The following CENPP variants were observed in gnomAD, a reference collection of about 807,000 sequenced individuals.
CENPP encodes the protein centromere protein P.
CENPP carries 24 observed loss-of-function variants against 35.6 expected under a neutral mutation model. The ratio of observed to expected loss-of-function variants is 0.67; its 90% confidence interval spans 0.49 to 0.95. CENPP has a LOEUF of 0.95. CENPP is among the 40% of genes least tolerant of loss of function. The pLI, the probability that CENPP is intolerant of heterozygous loss-of-function variation, is 0.00. For missense variants in CENPP, 332 were observed against 345.3 expected, an observed-to-expected ratio of 0.96 and a Z score of 0.31; for synonymous variants, 120 against 125.5, an observed-to-expected ratio of 0.96 and a Z score of 0.29.
At chr9:92,384,068 A>G (rs1342830176) in intron 5 of CENPP, 1 of 152,198 alleles carries the variant, frequency 6.6e-6, no homozygotes, top group Admixed American at 6.5e-5. Context: ...ATAAAGCTGC[A>G]TTTTGCGCTC....
intron 5 of CENPP, among the ~76,000 whole-genome samples, chr9:92,525,106 C>G (rs1454613777): frequency 6.6e-6 from 1 of 151,952 alleles, no homozygotes; most frequent in Admixed American, 6.6e-5. Flanking sequence ...TTGCTTGAGG[C>G]CAGGAGTTTA....
intron 5 of CENPP, chr9:92,500,830 G>A: frequency 6.2e-7 from 1 of 1,614,150 alleles, no homozygotes; most frequent in Non-Finnish European, 8.5e-7. Flanking sequence ...AATTCTCTCA[G>A]AGAATGATAT....
chr9:92,599,803 C>A (rs1163474934), intron 5 of CENPP, among the ~76,000 whole-genome samples: 1 of 152,116 alleles, frequency 6.6e-6, no homozygotes, highest in East Asian at 1.9e-4. Context: ...GGTGTAGCTC[C>A]CACTAGATGT....
intron 5 of CENPP, among the ~76,000 whole-genome samples, chr9:92,469,152 T>C (rs1384546731): frequency 6.6e-6 from 1 of 152,162 alleles, no homozygotes; most frequent in African/African-American, 2.4e-5. Flanking sequence ...GTGGACTGGG[T>C]GGATCCTCGG....
At position 92,476,268 on chromosome 9, in the gene CENPP, C is replaced by G. The variant is rs1421144660; in HGVS notation, c.564+96409C>G. Reference sequence around the variant, plus strand: ...TCGGGAAGACCTACCCCTCCAAATCCCAACTGGTTGCAATTTCCCAGAACC... The same window carrying G: ...TCGGGAAGACCTACCCCTCCAAATCGCAACTGGTTGCAATTTCCCAGAACC... On this transcript the variant is annotated intron_variant, in intron 5 of 7. Transcript: ENST00000375587. The surrounding 1 kb of genome is among the most constrained non-coding windows in gnomAD (Gnocchi z 4.1). 6.6e-6 allele frequency among the ~76,000 whole-genome samples: 1 copy of G among 152,148 alleles called. No individual in the cohort carries two copies. Among genetic ancestry groups the G allele is most frequent in the Non-Finnish European group, 1.5e-5 (1 of 68,016 alleles).
At chr9:92,424,282 C>G (rs1194209048) in intron 5 of CENPP, 1 of 152,150 alleles carries the variant, frequency 6.6e-6, no homozygotes, top group Non-Finnish European at 1.5e-5. Flanking sequence ...AATTCTTTAA[C>G]TGAGTCTCTT....
At chr9:92,417,389 T>C (rs1843647356) in intron 5 of CENPP, 1 of 1,614,090 alleles carries the variant, frequency 6.2e-7, no homozygotes, top group Non-Finnish European at 8.5e-7. Flanking sequence ...TAAAGTATAC[T>C]GATGAAAAGG....
chr9:92,581,965 G>C (rs1381713626), intron 5 of CENPP, among the ~76,000 whole-genome samples: 1 of 152,126 alleles, frequency 6.6e-6, no homozygotes, highest in African/African-American at 2.4e-5. Flanking sequence ...AAATGTCTAA[G>C]GTAACCCCTT....
chr9:92,379,338 T>G (rs1842193655), intron 4 of CENPP, among the ~76,000 whole-genome samples: 1 of 152,212 alleles, frequency 6.6e-6, no homozygotes, highest in Non-Finnish European at 1.5e-5. Flanking sequence ...GCCTCCAGTC[T>G]GCAATACGTA....
At chr9:92,573,820 C>T (rs993748491) in intron 5 of CENPP, among the ~76,000 whole-genome samples, 5 of 152,352 alleles carry the variant, frequency 3.3e-5, no homozygotes, top group Middle Eastern at 3.4e-3. Flanking sequence ...CCCCCAGCCT[C>T]GCGGCCGCCT....
chr9:92,583,618 G>A (rs1053809116), intron 5 of CENPP, among the ~76,000 whole-genome samples: 1 of 151,950 alleles, frequency 6.6e-6, no homozygotes, highest in African/African-American at 2.4e-5. Context: ...TTAAATTACA[G>A]AGGAGTGGGG....
At chr9:92,567,606 G>A (rs1053941016) in intron 5 of CENPP, among the ~76,000 whole-genome samples, 1 of 151,682 alleles carries the variant, frequency 6.6e-6, no homozygotes, top group Non-Finnish European at 1.5e-5. Flanking sequence ...TTATAATTTT[G>A]GTTTGTAACT....
At position 92,611,352 on chromosome 9, in the gene CENPP, C is replaced by T. The variant is rs1296265315; in HGVS notation, c.603C>T (p.Pro201=). The part of the protein sequence containing the change: ...YPDAVYLSEG[P]SSCSMGIRSA... Reference sequence around the variant, plus strand: ...ATGCCGTGTACCTCTCGGAGGGGCCCTCCTCCTGCTCCATGGGGATCCGCA... The same window carrying T: ...ATGCCGTGTACCTCTCGGAGGGGCCTTCCTCCTGCTCCATGGGGATCCGCA... Residue 201 remains proline (P), a synonymous_variant, in exon 6 of 8, where the codon CCC becomes CCT. Coordinates refer to ENST00000375587, the MANE Select transcript of CENPP (RefSeq NM_001012267.3). The T allele has an allele frequency of 1.9e-6, 3 of 1,613,636 alleles. No homozygotes were observed. Among genetic ancestry groups the T allele is most frequent in the African/African-American group, 1.3e-5 (1 of 74,924 alleles).
intron 5 of CENPP, among the ~76,000 whole-genome samples, chr9:92,422,724 A>G (rs1348827056): frequency 6.6e-6 from 1 of 151,954 alleles, no homozygotes; most frequent in South Asian, 2.1e-4. Flanking sequence ...TCCTGTTTTC[A>G]TCTATATGCT....
intron 5 of CENPP, among the ~76,000 whole-genome samples, chr9:92,583,226 G>T (rs1850470251): frequency 6.6e-6 from 1 of 152,164 alleles, no homozygotes; most frequent in African/African-American, 2.4e-5. Context: ...ATATACACTA[G>T]TATAGAGTTA....
chr9:92,482,740 A>G (rs897165374), intron 5 of CENPP, among the ~76,000 whole-genome samples: 2 of 152,252 alleles, frequency 1.3e-5, no homozygotes, highest in African/African-American at 4.8e-5. Flanking sequence ...GTAAATTACA[A>G]TTTCAAAAAT....
At chr9:92,561,276 C>T (rs1388435621) in intron 5 of CENPP, among the ~76,000 whole-genome samples, 1 of 152,174 alleles carries the variant, frequency 6.6e-6, no homozygotes. Flanking sequence ...AACTACCATC[C>T]CTGTTCCTCC....
chr9:92,363,733 A>G (rs1235209683), intron 4 of CENPP, among the ~76,000 whole-genome samples: 1 of 152,162 alleles, frequency 6.6e-6, no homozygotes. Flanking sequence ...TTATGTGTCT[A>G]TATACATACT....
chr9:92,433,243 C>T (rs1224093392), intron 5 of CENPP, among the ~76,000 whole-genome samples: 1 of 152,202 alleles, frequency 6.6e-6, no homozygotes, highest in East Asian at 1.9e-4. Flanking sequence ...CCTGTAATAA[C>T]AGCATCAGAT....
Sources: gnomAD v4.1 joint callset for allele counts (sites outside exome capture counted in the v4.1 genomes callset) on GRCh38, gnomAD v4.1.1 for gene constraint, Gnocchi (gnomAD v3.1) non-coding constraint, MANE v1.5 for transcripts, NCBI Gene and HGNC (gene_info 2026-07-23, HGNC 2026-07-21) for gene names.